The following CSMD1 variants were observed in gnomAD, a reference collection of about 807,000 sequenced individuals.
The protein encoded by CSMD1 is CUB and Sushi multiple domains 1.
In CSMD1, 213 loss-of-function variants were observed where a neutral mutation model predicts 417.5. The observed-to-expected ratio is 0.51, with a 90% confidence interval of 0.46 to 0.57. The LOEUF (loss-of-function observed/expected upper bound fraction) is 0.57, where lower values mean the gene tolerates loss of function less well. CSMD1 is among the 20% of genes least tolerant of loss of function. The pLI is 0.00. For synonymous variants in CSMD1, 2,862 were observed against 1,736.8 expected (o/e 1.65, Z -16.11); for missense variants, 6,923 against 4,529.7 (o/e 1.53, Z -15.17).
intron 4 of CSMD1, among the ~76,000 whole-genome samples, chr8:3,999,707 T>C (rs1024891606): frequency 6.6e-6 from 1 of 152,154 alleles, no homozygotes; most frequent in African/African-American, 2.4e-5. Context: ...TTATGTCAAC[T>C]AATGCTAATG....
chr8:3,670,908 T>C (rs1288939152), intron 7 of CSMD1, among the ~76,000 whole-genome samples: 1 of 112,682 alleles, frequency 8.9e-6, no homozygotes, highest in Admixed American at 8.6e-5. Flanking sequence ...TATATATGTA[T>C]ATGGGATATA....
In CSMD1 at chr8:3,926,024, CACACACACACACACACACAAACACCATAT is replaced by C. The variant is rs1809643271; in HGVS notation, c.818+71850_818+71878del. Among the ~76,000 whole-genome samples the C allele has an allele frequency of 4.2e-5, 5 of 118,406 alleles. 1 individual carries two copies. The highest frequency in any genetic ancestry group is 3.5e-4 in the Admixed American group (4 of 11,564). 77.7% of individuals were successfully genotyped at this position (118,406 alleles called of 152,430 possible). A position where few individuals can be genotyped will look rare whatever the true frequency, so the allele number is the denominator to read the frequency against. ...TTGTCTATTTGTCTATACACACACA[CACACACACACACACACACAAACACCATAT>C]ACACACACACACACACACACAAACA... On this transcript the variant is annotated intron_variant, in intron 5 of 69. Coordinates refer to ENST00000635120, the MANE Select transcript of CSMD1 (RefSeq NM_033225.6).
intron 1 of CSMD1, among the ~76,000 whole-genome samples, chr8:4,683,074 G>T (rs182512545): frequency 2.0e-5 from 3 of 149,144 alleles, no homozygotes; most frequent in African/African-American, 4.9e-5. Context: ...TTGTGGCATA[G>T]AATTTAGAAA....
intron 3 of CSMD1, among the ~76,000 whole-genome samples, chr8:4,200,894 G>A (rs538765619): frequency 3.5e-4 from 53 of 152,274 alleles, no homozygotes; most frequent in Admixed American, 1.3e-3. Flanking sequence ...ACATCTTTAA[G>A]AAACGCTAAG....
intron 3 of CSMD1, among the ~76,000 whole-genome samples, chr8:4,333,352 G>A (rs10107472): frequency 0.42 from 63,265 of 151,910 alleles, 17,624 homozygotes; most frequent in African/African-American, 0.8. Context: ...AAGGGCGAGC[G>A]CAGGGTTACT....
At chr8:3,540,067 G>C (rs532673260) in intron 10 of CSMD1, among the ~76,000 whole-genome samples, 1 of 152,202 alleles carries the variant, frequency 6.6e-6, no homozygotes, top group East Asian at 1.9e-4. Flanking sequence ...ATCTCTGATT[G>C]GCTCATAAAT....
intron 5 of CSMD1, among the ~76,000 whole-genome samples, chr8:3,806,904 C>T (rs1396603128): frequency 6.6e-6 from 1 of 152,058 alleles, no homozygotes; most frequent in Non-Finnish European, 1.5e-5. Flanking sequence ...ATAATTTAAT[C>T]CAGTAGTAGT....
At chr8:4,708,410 G>C (rs1289202615) in intron 1 of CSMD1, among the ~76,000 whole-genome samples, 1 of 152,114 alleles carries the variant, frequency 6.6e-6, no homozygotes, top group Non-Finnish European at 1.5e-5. Context: ...TATGTATCTG[G>C]TAAAAAGTAA....
chr8:3,844,687 C>G (rs1025815913), intron 5 of CSMD1, among the ~76,000 whole-genome samples: 1 of 152,158 alleles, frequency 6.6e-6, no homozygotes, highest in Non-Finnish European at 1.5e-5. Context: ...TTGTCGGGAA[C>G]TGCAGCCTCA....
At chr8:4,265,898 C>T (rs1413339010) in intron 3 of CSMD1, among the ~76,000 whole-genome samples, 1 of 104,038 alleles carries the variant, frequency 9.6e-6, no homozygotes, top group Non-Finnish European at 2.6e-5. Context: ...CACACAAATC[C>T]AAAATAAAAT....
intron 2 of CSMD1, among the ~76,000 whole-genome samples, chr8:4,604,410 T>TGTGTGTGTGTGC (rs59349269): frequency 0.012 from 1,758 of 146,192 alleles, 43 homozygotes; most frequent in African/African-American, 0.039. Flanking sequence ...TGTGTGTGTG[T>TGTGTGTGTGTGC]GCGCGTGCGT....
chr8:3,405,799 A>G (rs983939664), intron 15 of CSMD1, among the ~76,000 whole-genome samples: 2 of 152,154 alleles, frequency 1.3e-5, no homozygotes, highest in African/African-American at 4.8e-5. Context: ...CCTGAGGCAG[A>G]TCCTCCCTCA....
chr8:4,504,346 A>C (rs1384795480), intron 2 of CSMD1, among the ~76,000 whole-genome samples: 1 of 152,166 alleles, frequency 6.6e-6, no homozygotes, highest in Non-Finnish European at 1.5e-5. Flanking sequence ...ATTGCTATTT[A>C]AGGGGTACAT....
chr8:4,757,277 A>G (rs1218237950), intron 1 of CSMD1, among the ~76,000 whole-genome samples: 2 of 152,206 alleles, frequency 1.3e-5, no homozygotes, highest in Non-Finnish European at 2.9e-5. Flanking sequence ...CAAAATGATA[A>G]TGGAAATAAA....
At chr8:4,111,256 C>G (rs117117952) in intron 3 of CSMD1, among the ~76,000 whole-genome samples, 1 of 152,012 alleles carries the variant, frequency 6.6e-6, no homozygotes, top group Non-Finnish European at 1.5e-5. Context: ...TATCATCAGT[C>G]AGTTTGTTTT....
chr8:4,881,617 T>C (rs903705189), intron 1 of CSMD1, among the ~76,000 whole-genome samples: 3 of 151,926 alleles, frequency 2.0e-5, no homozygotes, highest in African/African-American at 7.3e-5. Flanking sequence ...GTTTAATTGA[T>C]TTCTTAAATT....
intron 5 of CSMD1, among the ~76,000 whole-genome samples, chr8:3,990,768 C>G (rs906076087): frequency 1.3e-5 from 2 of 152,050 alleles, no homozygotes; most frequent in African/African-American, 4.8e-5. Flanking sequence ...GCTGGTGAGT[C>G]CATCCCTTTC....
chr8:4,159,455 T>C (rs899763826), intron 3 of CSMD1, among the ~76,000 whole-genome samples: 1 of 152,180 alleles, frequency 6.6e-6, no homozygotes, highest in African/African-American at 2.4e-5. Context: ...GCAGCACAAT[T>C]CACTACTGTA....
intron 5 of CSMD1, among the ~76,000 whole-genome samples, chr8:3,985,600 C>T (rs557457216): frequency 1.2e-4 from 18 of 152,126 alleles, no homozygotes; most frequent in African/African-American, 3.6e-4. Flanking sequence ...AGGGGCGCCA[C>T]CTTCTAGTAC....
Sources: gnomAD v4.1 joint callset for allele counts (sites outside exome capture counted in the v4.1 genomes callset) on GRCh38, gnomAD v4.1.1 for gene constraint, MANE v1.5 for transcripts, NCBI Gene and HGNC (gene_info 2026-07-23, HGNC 2026-07-21) for gene names.